Variants in FOXN3 observed in about 807,000 individuals in gnomAD.
The protein encoded by FOXN3 is forkhead box protein N3.
In FOXN3, 7 loss-of-function variants were observed where a neutral mutation model predicts 38.4. The observed-to-expected ratio is 0.18, with a 90% CI of 0.10 to 0.34. The LOEUF (loss-of-function observed/expected upper bound fraction) is 0.34. Among genes scored for constraint, FOXN3 ranks in the 10% least tolerant of loss-of-function variants. The probability of loss-of-function intolerance (pLI) is 1.00; values close to 1 mark genes in which losing one functional copy is unlikely to be tolerated. For missense variants in FOXN3, 456 were observed against 613.4 expected (o/e 0.74, Z 2.71); for synonymous variants, 230 against 242.2 (o/e 0.95, Z 0.47).
chr14:89,198,045 T>C (rs1888142627), intron 4 of FOXN3, among the ~76,000 whole-genome samples: 1 of 152,248 alleles, frequency 6.6e-6, no homozygotes, highest in African/African-American at 2.4e-5. Context: ...TACCCATGGG[T>C]TCTGTACCTG....
At chr14:89,270,809 C>T (rs8021488) in intron 4 of FOXN3, among the ~76,000 whole-genome samples, 150,858 of 152,284 alleles carry the variant, frequency 0.99, 74,731 homozygotes, top group Middle Eastern at 1. Context: ...AAAACTTCTC[C>T]AAAATCAGGT....
chr14:89,194,319 A>G (rs1888040946), intron 4 of FOXN3, among the ~76,000 whole-genome samples: 1 of 152,170 alleles, frequency 6.6e-6, no homozygotes, highest in South Asian at 2.1e-4. Flanking sequence ...TAGATATAAC[A>G]CTTTCTTGGT....
intron 4 of FOXN3, among the ~76,000 whole-genome samples, chr14:89,237,254 A>C (rs1885008366): frequency 6.6e-6 from 1 of 152,256 alleles, no homozygotes; most frequent in African/African-American, 2.4e-5. Context: ...ATTATTATCC[A>C]TTTGGGAAAT....
intron 1 of FOXN3, among the ~76,000 whole-genome samples, chr14:89,479,646 C>T (rs372846717): frequency 1.3e-4 from 20 of 152,140 alleles, no homozygotes; most frequent in Middle Eastern, 3.2e-3. Context: ...ATGATTGTAA[C>T]AACCAAGTGG....
At chr14:89,483,099 C>T (rs1290274838) in intron 1 of FOXN3, among the ~76,000 whole-genome samples, 2 of 152,042 alleles carry the variant, frequency 1.3e-5, no homozygotes, top group East Asian at 1.9e-4. Flanking sequence ...CCCAGCTACT[C>T]GGGGGACTGA....
At chr14:89,427,754 G>A (rs901458011) in intron 1 of FOXN3, among the ~76,000 whole-genome samples, 5 of 152,042 alleles carry the variant, frequency 3.3e-5, no homozygotes, top group Admixed American at 3.3e-4. Flanking sequence ...CCAACAGAGT[G>A]TAAGTGCCTT....
At chr14:89,532,072 ACCT>A (rs993187739) in intron 1 of FOXN3, among the ~76,000 whole-genome samples, 3 of 152,050 alleles carry the variant, frequency 2.0e-5, no homozygotes, top group African/African-American at 4.8e-5. Context: ...CCTTCCCCAG[ACCT>A]CCTGAATCAG....
chr14:89,465,937 T>C (rs1566665677), intron 1 of FOXN3, among the ~76,000 whole-genome samples: 2 of 152,254 alleles, frequency 1.3e-5, no homozygotes. Flanking sequence ...GACAGGCTGA[T>C]TATTTGAACA....
At chr14:89,380,207 T>A (rs1323595020) in intron 2 of FOXN3, among the ~76,000 whole-genome samples, 1 of 152,144 alleles carries the variant, frequency 6.6e-6, no homozygotes, top group South Asian at 2.1e-4. Flanking sequence ...GATCTGACAG[T>A]TTTATAAATG....
intron 2 of FOXN3, among the ~76,000 whole-genome samples, chr14:89,382,885 G>A (rs994109527): frequency 2.2e-4 from 33 of 152,158 alleles, no homozygotes; most frequent in African/African-American, 7.2e-4. Flanking sequence ...CTCCCCAGCT[G>A]GAGGAAGTGC....
intron 1 of FOXN3, among the ~76,000 whole-genome samples, chr14:89,505,634 C>A (rs1893904116): frequency 6.6e-6 from 1 of 152,214 alleles, no homozygotes; most frequent in African/African-American, 2.4e-5. Context: ...ACAACCTCCA[C>A]CTCCCAGCTG....
At chr14:89,181,491 G>C (rs1461530267) in intron 4 of FOXN3, among the ~76,000 whole-genome samples, 1 of 152,190 alleles carries the variant, frequency 6.6e-6, no homozygotes, top group Non-Finnish European at 1.5e-5. Context: ...GCACCACACA[G>C]TTCATCCCCC....
At chr14:89,555,894 G>A (rs572446590) in intron 1 of FOXN3, among the ~76,000 whole-genome samples, 85 of 108,866 alleles carry the variant, frequency 7.8e-4, no homozygotes, top group African/African-American at 2.2e-3. Flanking sequence ...GGTGTATGTG[G>A]GGGTGTGTGT....
intron 5 of FOXN3, among the ~76,000 whole-genome samples, chr14:89,171,099 T>C (rs1463692652): frequency 6.6e-6 from 1 of 151,536 alleles, no homozygotes; most frequent in African/African-American, 2.4e-5. Context: ...AAAAAAGAAA[T>C]GATACAAATG....
At chr14:89,395,050 C>A (rs1409276951) in intron 2 of FOXN3, among the ~76,000 whole-genome samples, 1 of 152,192 alleles carries the variant, frequency 6.6e-6, no homozygotes, top group African/African-American at 2.4e-5. Context: ...TTTTGGAAAT[C>A]ACGCGTTCAT....
chr14:89,378,053 A>G (rs1890534429), intron 2 of FOXN3, among the ~76,000 whole-genome samples: 1 of 152,228 alleles, frequency 6.6e-6, no homozygotes, highest in Non-Finnish European at 1.5e-5. Context: ...GTGAGAAAAT[A>G]AATTCCTTTT....
chr14:89,555,877 A>G (rs7159641), intron 1 of FOXN3, among the ~76,000 whole-genome samples: 56,324 of 91,526 alleles, frequency 0.62, 20,143 homozygotes, highest in Non-Finnish European at 0.8. Flanking sequence ...GTGTGTGTGT[A>G]TGTGGGGGTG....
chr14:89,188,006 G>A (rs191386945), intron 4 of FOXN3, among the ~76,000 whole-genome samples: 1 of 152,154 alleles, frequency 6.6e-6, no homozygotes, highest in Non-Finnish European at 1.5e-5. Context: ...GTCCATGAGC[G>A]TCTCCTTCTG....
rs189619093 is a variant in FOXN3, at chr14:89,466,947, C to T, written c.-14-54457G>A. Among the ~76,000 whole-genome samples, 710 of 152,318 alleles carry T rather than the reference C, an allele frequency of 4.7e-3. 7 individuals are homozygous for T. Among genetic ancestry groups the T allele is most frequent in the Middle Eastern group, 0.01 (3 of 294 alleles). On this transcript the variant is annotated intron_variant, in intron 1 of 6. Coordinates refer to the FOXN3 transcript ENST00000345097. ...TCATCTATGGAATGGGGAGGAAAAACAGTAGCTACAGTGTCTGCACATAAA... is the reference window on the plus strand; with the variant it reads ...TCATCTATGGAATGGGGAGGAAAAATAGTAGCTACAGTGTCTGCACATAAA...
Sources: allele counts gnomAD v4.1 joint callset (sites outside exome capture counted in the v4.1 genomes callset), GRCh38; gene constraint gnomAD v4.1.1; transcripts MANE v1.5; gene names NCBI Gene and HGNC (gene_info 2026-07-23, HGNC 2026-07-21).